CDH13: variants seen among roughly 807,000 people sequenced by gnomAD.
The protein encoded by CDH13 is cadherin-13.
Under a neutral mutation model 63.8 loss-of-function variants are expected in CDH13, and 24 were observed. The observed-to-expected ratio is 0.38, with a 90% CI of 0.27 to 0.53. CDH13 has a LOEUF of 0.53. CDH13 is among the 20% of genes least tolerant of loss of function. The probability of loss-of-function intolerance (pLI) is 0.85; values close to 1 mark genes in which losing one functional copy is unlikely to be tolerated. For synonymous variants in CDH13, 503 were observed against 355.3 expected, an observed-to-expected ratio of 1.42 and a Z score of -4.67; for missense variants, 1,049 against 903.1, an observed-to-expected ratio of 1.16 and a Z score of -2.07.
chr16:83,171,610 C>T (rs1288035332), intron 4 of CDH13: 2 of 1,474,076 alleles, frequency 1.4e-6, no homozygotes, highest in African/African-American at 1.4e-5. Flanking sequence ...TCTCTATCTT[C>T]ATTTCCTTGT....
chr16:82,999,822 G>T (rs749098525), intron 2 of CDH13, among the ~76,000 whole-genome samples: 2 of 152,184 alleles, frequency 1.3e-5, no homozygotes. Context: ...TAATGACGCT[G>T]CCTCTGCGGT....
At chr16:82,869,768 G>A (rs1567616560) in intron 2 of CDH13, among the ~76,000 whole-genome samples, 1 of 152,092 alleles carries the variant, frequency 6.6e-6, no homozygotes, top group Non-Finnish European at 1.5e-5. Context: ...GGGAAAACTG[G>A]ATATCCATAT....
intron 3 of CDH13, among the ~76,000 whole-genome samples, chr16:83,123,690 A>G (rs1375093686): frequency 6.6e-6 from 1 of 152,190 alleles, no homozygotes; most frequent in Non-Finnish European, 1.5e-5. Flanking sequence ...TTGTTTTGAT[A>G]TAACGATTCC....
At chr16:82,717,474 C>G (rs1008676914) in intron 1 of CDH13, among the ~76,000 whole-genome samples, 1 of 149,476 alleles carries the variant, frequency 6.7e-6, no homozygotes, top group Non-Finnish European at 1.5e-5. Flanking sequence ...CACTCATCCA[C>G]ACTTACTCTC....
chr16:82,653,425 G>A (rs1307776361), intron 1 of CDH13, among the ~76,000 whole-genome samples: 1 of 152,212 alleles, frequency 6.6e-6, no homozygotes, highest in Non-Finnish European at 1.5e-5. Context: ...CAGAGAGAGG[G>A]ACCCAGGAAG....
chr16:82,867,207 G>A (rs541485965), intron 2 of CDH13, among the ~76,000 whole-genome samples: 1 of 152,158 alleles, frequency 6.6e-6, no homozygotes, highest in Non-Finnish European at 1.5e-5. Context: ...CTTATAATTG[G>A]TGGTGTCAAA....
chr16:83,547,886 G>C (rs2075417028), intron 7 of CDH13, among the ~76,000 whole-genome samples: 1 of 152,096 alleles, frequency 6.6e-6, no homozygotes, highest in Admixed American at 6.5e-5. Context: ...GCTATCCTGG[G>C]GCATCAGGAG....
chr16:82,896,938 G>A (rs1171933693), intron 2 of CDH13, among the ~76,000 whole-genome samples: 1 of 151,600 alleles, frequency 6.6e-6, no homozygotes, highest in Non-Finnish European at 1.5e-5. Flanking sequence ...CCGCCATCAC[G>A]CCCAGCTAAT....
Position 83,747,990 on chromosome 16 carries a change from T to G in CDH13, c.1539-118T>G, listed in dbSNP as rs1188776778. 9.6e-6 allele frequency: 10 copies of G among 1,043,912 alleles called. No individual in the cohort carries two copies. In the East Asian group the frequency reaches 2.4e-4, roughly 25 times the overall value. 64.7% of individuals were successfully genotyped at this position (1,043,912 alleles called of 1,614,324 possible). A position where few individuals can be genotyped will look rare whatever the true frequency, so the allele number is the denominator to read the frequency against. On this transcript the variant is annotated intron_variant, in intron 10 of 13. Coordinates refer to ENST00000567109, the MANE Select transcript of CDH13 (RefSeq NM_001257.5). Reference sequence around the variant, plus strand: ...AGCAACTGTAACAGAAATGATGGTTTTGGATTTTTGTTACCTAGGATCCAG... The same window carrying G: ...AGCAACTGTAACAGAAATGATGGTTGTGGATTTTTGTTACCTAGGATCCAG...
At chr16:82,716,724 AG>A (rs2032399325) in intron 1 of CDH13, among the ~76,000 whole-genome samples, 1 of 151,010 alleles carries the variant, frequency 6.6e-6, no homozygotes, top group African/African-American at 2.4e-5. Flanking sequence ...AGGTTTCTGG[AG>A]GGGTTCACTG....
intron 7 of CDH13, among the ~76,000 whole-genome samples, chr16:83,569,470 T>A (rs1904368872): frequency 6.6e-6 from 1 of 152,232 alleles, no homozygotes; most frequent in Admixed American, 6.5e-5. Flanking sequence ...TGCTGTTTTT[T>A]CTCTGGAAAC....
intron 7 of CDH13, among the ~76,000 whole-genome samples, chr16:83,568,380 G>C (rs1295687730): frequency 1.3e-5 from 2 of 152,148 alleles, no homozygotes; most frequent in African/African-American, 2.4e-5. Context: ...TTCTTCTTGA[G>C]TCTTGTATGT....
intron 2 of CDH13, among the ~76,000 whole-genome samples, chr16:82,879,321 C>CGT (rs2040612580): frequency 6.6e-6 from 1 of 151,742 alleles, no homozygotes; most frequent in Non-Finnish European, 1.5e-5. Context: ...GAGGCTGGTA[C>CGT]AGTCTCTGCT....
intron 4 of CDH13, among the ~76,000 whole-genome samples, chr16:83,208,197 A>C (rs1402065726): frequency 6.6e-6 from 1 of 152,076 alleles, no homozygotes; most frequent in East Asian, 1.9e-4. Flanking sequence ...ATGTTTCTTC[A>C]CCAGGGTATG....
At position 83,518,181 on chromosome 16, in the gene CDH13, C is replaced by G. The variant is rs977074092; in HGVS notation, c.960+31526C>G. On this transcript the variant is annotated intron_variant, in intron 7 of 13. Transcript: ENST00000567109. ...TTTTTTTGAGATGGAGTCTTGTTCT[C>G]TCACCCAGGCTGGAGTGCAGTGGCG... Among the ~76,000 whole-genome samples the G allele has an allele frequency of 2.6e-5, 4 of 151,984 alleles. No individual in the cohort carries two copies. In the East Asian group the frequency reaches 7.7e-4, roughly 29 times the overall value.
intron 1 of CDH13, among the ~76,000 whole-genome samples, chr16:82,834,703 C>G (rs1039898766): frequency 6.6e-6 from 1 of 152,112 alleles, no homozygotes; most frequent in Non-Finnish European, 1.5e-5. Flanking sequence ...CACTTGGCTC[C>G]GCAGAAGTGA....
chr16:83,707,836 C>CAAAAAAAAAAAA (rs61067563), intron 10 of CDH13, among the ~76,000 whole-genome samples: 1,403 of 78,652 alleles, frequency 0.018, 101 homozygotes, highest in Middle Eastern at 0.025. Context: ...ACCCTAAAGG[C>CAAAAAAAAAAAA]AAAAAAAAAA....
chr16:83,718,321 A>T (rs185772746), intron 10 of CDH13, among the ~76,000 whole-genome samples: 1 of 152,352 alleles, frequency 6.6e-6, no homozygotes, highest in Admixed American at 6.5e-5. Flanking sequence ...GACCCCAGTC[A>T]TTGTCCAGGC....
chr16:83,081,705 GAAAGAGAGAGAGAGAA>G (rs1039841924), intron 3 of CDH13, among the ~76,000 whole-genome samples: 1 of 151,398 alleles, frequency 6.6e-6, no homozygotes, highest in South Asian at 2.1e-4. Flanking sequence ...GAGAGAGAGA[GAAAGAGAGAGAGAGAA>G]AGAGCTCGCA....
Sources: allele counts gnomAD v4.1 joint callset (sites outside exome capture counted in the v4.1 genomes callset), GRCh38; gene constraint gnomAD v4.1.1; transcripts MANE v1.5; gene names NCBI Gene and HGNC (gene_info 2026-07-23, HGNC 2026-07-21).